The following PLXDC2 variants were observed in gnomAD, a reference collection of about 807,000 sequenced individuals.
The protein encoded by PLXDC2 is plexin domain-containing protein 2.
Under a neutral mutation model 68.9 loss-of-function variants are expected in PLXDC2, and 40 were observed. The ratio of observed to expected loss-of-function variants is 0.58; its 90% CI spans 0.45 to 0.76. The LOEUF (loss-of-function observed/expected upper bound fraction) is 0.76, where lower values mean the gene tolerates loss of function less well. Among genes scored for constraint, PLXDC2 ranks in the 30% least tolerant of loss-of-function variants. The pLI, the probability that PLXDC2 is intolerant of heterozygous loss-of-function variation, is 0.00. For synonymous variants in PLXDC2, 243 were observed against 234.2 expected, an observed-to-expected ratio of 1.04 and a Z score of -0.34; for missense variants, 644 against 661.9, an observed-to-expected ratio of 0.97 and a Z score of 0.30.
chr10:20,242,724 T>A (rs1455016998), intron 12 of PLXDC2, among the ~76,000 whole-genome samples: 1 of 152,158 alleles, frequency 6.6e-6, no homozygotes, highest in Non-Finnish European at 1.5e-5. Flanking sequence ...TTAATCCTTT[T>A]TTATGAGGTG....
chr10:20,278,381 T>A (rs962432886), intron 13 of PLXDC2, among the ~76,000 whole-genome samples: 2 of 152,160 alleles, frequency 1.3e-5, no homozygotes, highest in African/African-American at 4.8e-5. Flanking sequence ...TGAGTTGTGG[T>A]ACCCACCTCC....
chr10:19,910,328 G>A (rs1833243760), intron 1 of PLXDC2, among the ~76,000 whole-genome samples: 1 of 151,982 alleles, frequency 6.6e-6, no homozygotes, highest in African/African-American at 2.4e-5. Flanking sequence ...ACATTTTTGT[G>A]ACATGTAGTA....
intron 1 of PLXDC2, among the ~76,000 whole-genome samples, chr10:19,854,498 C>T (rs1301393307): frequency 6.6e-6 from 1 of 152,172 alleles, no homozygotes; most frequent in Admixed American, 6.5e-5. Flanking sequence ...GCCAGAGATT[C>T]TACTAGACCA....
intron 12 of PLXDC2, among the ~76,000 whole-genome samples, chr10:20,227,936 G>A (rs1436269619): frequency 6.6e-6 from 1 of 152,144 alleles, no homozygotes; most frequent in Non-Finnish European, 1.5e-5. Flanking sequence ...TACTAATGAA[G>A]TAGAAGCTAC....
chr10:19,863,585 C>T (rs999010484), intron 1 of PLXDC2, among the ~76,000 whole-genome samples: 2 of 152,156 alleles, frequency 1.3e-5, no homozygotes, highest in East Asian at 3.9e-4. Flanking sequence ...ACACATAACT[C>T]CAAGGATGGA....
intron 1 of PLXDC2, among the ~76,000 whole-genome samples, chr10:19,846,942 C>T (rs949521271): frequency 2.0e-5 from 3 of 152,100 alleles, no homozygotes; most frequent in Non-Finnish European, 1.5e-5. Context: ...TACACGGCAG[C>T]GGGCAAGAGA....
At chr10:19,903,439 C>G (rs1193077460) in intron 1 of PLXDC2, among the ~76,000 whole-genome samples, 3 of 151,696 alleles carry the variant, frequency 2.0e-5, no homozygotes, top group Non-Finnish European at 4.4e-5. Context: ...TCCATCTCCT[C>G]TAGGTTTTTC....
intron 1 of PLXDC2, among the ~76,000 whole-genome samples, chr10:19,995,059 A>T (rs925126692): frequency 6.6e-6 from 1 of 152,076 alleles, no homozygotes; most frequent in Non-Finnish European, 1.5e-5. Context: ...AATTTTTATT[A>T]AAAAACTTTA....
At chr10:20,226,229 G>A (rs1431140475) in intron 12 of PLXDC2, among the ~76,000 whole-genome samples, 2 of 152,156 alleles carry the variant, frequency 1.3e-5, no homozygotes, top group Non-Finnish European at 2.9e-5. Context: ...GAATCCAAAA[G>A]CATTATATCC....
intron 4 of PLXDC2, among the ~76,000 whole-genome samples, chr10:20,110,107 A>G (rs985129529): frequency 3.3e-5 from 5 of 152,234 alleles, no homozygotes; most frequent in African/African-American, 1.2e-4. Flanking sequence ...AACACAAGAC[A>G]TCTGCCTGGC....
intron 13 of PLXDC2, among the ~76,000 whole-genome samples, chr10:20,271,136 C>CACACACAT (rs774810632): frequency 0.025 from 3,681 of 147,306 alleles, 58 homozygotes; most frequent in South Asian, 0.033. Context: ...AAAACAGACA[C>CACACACAT]ACACACACAC....
At chr10:20,036,801 G>A (rs1225581638) in intron 2 of PLXDC2, among the ~76,000 whole-genome samples, 1 of 152,138 alleles carries the variant, frequency 6.6e-6, no homozygotes, top group South Asian at 2.1e-4. Flanking sequence ...AAATGCATAG[G>A]GTCTCCAAGA....
At chr10:20,220,039 A>T (rs1192604549) in intron 12 of PLXDC2, among the ~76,000 whole-genome samples, 2 of 152,130 alleles carry the variant, frequency 1.3e-5, no homozygotes, top group African/African-American at 4.8e-5. Context: ...TTGTCTTTAG[A>T]GTTTATATCA....
intron 6 of PLXDC2, among the ~76,000 whole-genome samples, chr10:20,148,760 A>C (rs573245018): frequency 6.6e-6 from 1 of 152,176 alleles, no homozygotes; most frequent in Non-Finnish European, 1.5e-5. Flanking sequence ...TACAGACTCG[A>C]TATCTTATGT....
intron 4 of PLXDC2, among the ~76,000 whole-genome samples, chr10:20,102,072 A>AT (rs1039915357): frequency 3.9e-5 from 6 of 152,210 alleles, no homozygotes; most frequent in African/African-American, 1.4e-4. Flanking sequence ...AAGTGCTTAG[A>AT]TTACAGGCAT....
chr10:19,868,934 G>A (rs1837478537), intron 1 of PLXDC2, among the ~76,000 whole-genome samples: 1 of 152,100 alleles, frequency 6.6e-6, no homozygotes, highest in South Asian at 2.1e-4. Flanking sequence ...TAAGTTTTTT[G>A]TTGACATTTG....
At chr10:20,195,256 C>A (rs1037542959) in intron 9 of PLXDC2, among the ~76,000 whole-genome samples, 1 of 152,094 alleles carries the variant, frequency 6.6e-6, no homozygotes, top group Admixed American at 6.6e-5. Context: ...TGAGAGACTG[C>A]AAAACTGATC....
chr10:19,884,960 G>T (rs1171217432), intron 1 of PLXDC2, among the ~76,000 whole-genome samples: 2 of 152,210 alleles, frequency 1.3e-5, no homozygotes, highest in African/African-American at 2.4e-5. Flanking sequence ...CTAGTTGACA[G>T]TCCCACCAAC....
chr10:20,007,359 G>C (rs1835042978), intron 2 of PLXDC2, among the ~76,000 whole-genome samples: 1 of 152,200 alleles, frequency 6.6e-6, no homozygotes, highest in Admixed American at 6.5e-5. Context: ...CACTTATAGT[G>C]TTCTTCACTT....
Sources: allele counts gnomAD v4.1 joint callset (sites outside exome capture counted in the v4.1 genomes callset), GRCh38; gene constraint gnomAD v4.1.1; transcripts MANE v1.5; gene names NCBI Gene and HGNC (gene_info 2026-07-23, HGNC 2026-07-21).